The following PPP1R12A variants were observed in gnomAD, a reference collection of about 807,000 sequenced individuals.
PPP1R12A encodes myosin binding subunit.
A neutral mutation model predicts 139.6 loss-of-function variants in PPP1R12A; 19 were observed. That is an observed-to-expected ratio of 0.14 (90% CI 0.09 to 0.20). The LOEUF (loss-of-function observed/expected upper bound fraction) is 0.20, where lower values mean the gene tolerates loss of function less well. Ranked by LOEUF, PPP1R12A falls within the 10% of genes least tolerant of loss-of-function variation. The pLI, the probability that PPP1R12A is intolerant of heterozygous loss-of-function variation, is 1.00. For missense variants in PPP1R12A, 925 were observed against 1,211.5 expected (o/e 0.76, Z 3.51); for synonymous variants, 427 against 420.6 (o/e 1.02, Z -0.19).
chr12:79,899,255 T>A (rs1181139268), intron 1 of PPP1R12A, among the ~76,000 whole-genome samples: 160 of 2,224 alleles, frequency 0.072, no homozygotes, highest in African/African-American at 0.2. Context: ...TATATATATA[T>A]ATATATATAT....
intron 2 of PPP1R12A, among the ~76,000 whole-genome samples, chr12:79,859,893 G>A (rs983634247): frequency 6.6e-5 from 10 of 152,130 alleles, no homozygotes; most frequent in African/African-American, 1.9e-4. Context: ...CAGCCTGGGC[G>A]ACAGAGCAAG....
At chr12:79,780,235 A>C (rs1870262626) in intron 23 of PPP1R12A, 1 of 151,912 alleles carries the variant, frequency 6.6e-6, no homozygotes, top group Admixed American at 6.6e-5. Context: ...ACAAAAAAAA[A>C]ACACAAGGAA....
chr12:79,915,519 C>T (rs1886924281), intron 1 of PPP1R12A, among the ~76,000 whole-genome samples: 1 of 152,042 alleles, frequency 6.6e-6, no homozygotes, highest in Non-Finnish European at 1.5e-5. Flanking sequence ...AATTATTATA[C>T]TGTTGTCAGA....
At chr12:79,848,012 G>T (rs1012288408) in intron 2 of PPP1R12A, among the ~76,000 whole-genome samples, 4 of 152,092 alleles carry the variant, frequency 2.6e-5, no homozygotes, top group Admixed American at 6.5e-5. Context: ...GATTTGTATT[G>T]GTTGTTTTGT....
chr12:79,880,290 A>C (rs951681251), intron 1 of PPP1R12A, among the ~76,000 whole-genome samples: 1 of 152,170 alleles, frequency 6.6e-6, no homozygotes, highest in African/African-American at 2.4e-5. Flanking sequence ...TACATATTTG[A>C]GCATAATTTT....
Position 79,930,616 on chromosome 12 carries a change from T to C in PPP1R12A, c.237+4079A>G, listed in dbSNP as rs540544069. On this transcript the variant is annotated intron_variant, in intron 1 of 24. Transcript: ENST00000450142. ...AGAGAAACCGCATCTCTACTAAAAA[T>C]ACAAAATTAGCTGGGCATGGTGGCA... 1.3e-4 allele frequency among the ~76,000 whole-genome samples: 20 copies of C among 151,964 alleles called. No individual in the cohort carries two copies. In the South Asian group the frequency reaches 4.2e-3, roughly 32 times the overall value.
At chr12:79,847,204 G>T (rs144778125) in intron 2 of PPP1R12A, among the ~76,000 whole-genome samples, 1 of 151,960 alleles carries the variant, frequency 6.6e-6, no homozygotes, top group Admixed American at 6.6e-5. Flanking sequence ...CACTTTTGGG[G>T]TTCTTTTTGT....
chr12:79,826,337 G>GA (rs1555208913), intron 5 of PPP1R12A, among the ~76,000 whole-genome samples: 5 of 117,194 alleles, frequency 4.3e-5, no homozygotes, highest in Non-Finnish European at 8.6e-5. Flanking sequence ...ATTGTTTCGG[G>GA]TTTTTTTTTT....
intron 1 of PPP1R12A, among the ~76,000 whole-genome samples, chr12:79,877,712 C>T (rs998233093): frequency 3.3e-5 from 5 of 152,126 alleles, no homozygotes; most frequent in African/African-American, 1.2e-4. Context: ...AATGGGGTTT[C>T]AACATGCTGG....
intron 1 of PPP1R12A, among the ~76,000 whole-genome samples, chr12:79,923,340 AT>A (rs1887592661): frequency 6.6e-6 from 1 of 152,348 alleles, no homozygotes; most frequent in African/African-American, 2.4e-5. Flanking sequence ...AGTGGAAAAT[AT>A]ACTAAATGTT....
intron 1 of PPP1R12A, among the ~76,000 whole-genome samples, chr12:79,891,739 A>G (rs1721880429): frequency 6.6e-6 from 1 of 152,008 alleles, no homozygotes; most frequent in Non-Finnish European, 1.5e-5. Flanking sequence ...CTTGGCATGC[A>G]CCCTCCTCTC....
intron 10 of PPP1R12A, among the ~76,000 whole-genome samples, 186 bp from the exon 11 acceptor site, chr12:79,808,763 T>C (rs929121342): frequency 4.6e-5 from 7 of 152,162 alleles, no homozygotes; most frequent in African/African-American, 1.7e-4. Flanking sequence ...TTCAAATTAG[T>C]TTTCTTTCTC....
At chr12:79,883,994 T>A (rs1051801497) in intron 1 of PPP1R12A, among the ~76,000 whole-genome samples, 2 of 152,180 alleles carry the variant, frequency 1.3e-5, no homozygotes, top group African/African-American at 4.8e-5. Context: ...GGAATGGTGG[T>A]CGTCAGGGAA....
At chr12:79,787,892 T>C (rs1322310005) in intron 21 of PPP1R12A, 3 of 152,260 alleles carry the variant, frequency 2.0e-5, no homozygotes, top group Non-Finnish European at 4.4e-5. Flanking sequence ...CCATTATTTA[T>C]TATACAGTCA....
chr12:79,909,032 T>A (rs998024921), intron 1 of PPP1R12A, among the ~76,000 whole-genome samples: 1 of 152,028 alleles, frequency 6.6e-6, no homozygotes, highest in Non-Finnish European at 1.5e-5. Context: ...ACCCAGGTAT[T>A]CTTAAGGATA....
intron 1 of PPP1R12A, among the ~76,000 whole-genome samples, chr12:79,903,025 G>A (rs1592801079): frequency 6.6e-6 from 1 of 152,000 alleles, no homozygotes; most frequent in East Asian, 1.9e-4. Flanking sequence ...CTTATCAGTA[G>A]CATATAAATT....
intron 1 of PPP1R12A, among the ~76,000 whole-genome samples, chr12:79,881,686 C>G (rs1463650593): frequency 6.6e-6 from 1 of 152,176 alleles, no homozygotes; most frequent in African/African-American, 2.4e-5. Context: ...TAAACAATAG[C>G]GTTTCACTGT....
At chr12:79,933,909 T>C (rs1431722713) in intron 1 of PPP1R12A, among the ~76,000 whole-genome samples, 1 of 152,146 alleles carries the variant, frequency 6.6e-6, no homozygotes, top group Middle Eastern at 3.2e-3. Context: ...GTGTCCCCTA[T>C]TTATTCTTCT....
rs1565825441 is a variant in PPP1R12A, at chr12:79,934,950, G to T, written c.-19C>A. ...TCTTCATCCCCTCTCCTGCCGCCGG[G>T]TCTTCTTATCGCGAGGGGGGGAAGG... On this transcript the variant is annotated 5_prime_UTR_variant, in exon 1 of 25. Transcript: ENST00000450142. 2 of 1,569,194 alleles carry T rather than the reference G, an allele frequency of 1.3e-6. No homozygotes were observed. Among genetic ancestry groups the T allele is most frequent in the Admixed American group, 1.8e-5 (1 of 54,422 alleles).
Sources: gnomAD v4.1 joint callset for allele counts (sites outside exome capture counted in the v4.1 genomes callset) on GRCh38, gnomAD v4.1.1 for gene constraint, MANE v1.5 for transcripts, NCBI Gene and HGNC (gene_info 2026-07-23, HGNC 2026-07-21) for gene names.